The following SDCCAG8 variants were observed in gnomAD, a reference collection of about 807,000 sequenced individuals.
SDCCAG8 encodes SHH signaling and ciliogenesis regulator SDCCAG8.
SDCCAG8 carries 74 observed loss-of-function variants against 101.8 expected under a neutral mutation model. The observed-to-expected ratio is 0.73, with a 90% CI of 0.60 to 0.88. The LOEUF is 0.88. Among genes scored for constraint, SDCCAG8 ranks in the 40% least tolerant of loss-of-function variants. SDCCAG8 has a pLI of 0.00. For synonymous variants in SDCCAG8, 281 were observed against 292.9 expected, an observed-to-expected ratio of 0.96 and a Z score of 0.41; for missense variants, 787 against 822.6, an observed-to-expected ratio of 0.96 and a Z score of 0.53.
intron 6 of SDCCAG8, among the ~76,000 whole-genome samples, chr1:243,303,118 C>T (rs2071704506): frequency 6.6e-6 from 1 of 152,156 alleles, no homozygotes; most frequent in African/African-American, 2.4e-5. Flanking sequence ...ATAGACACCA[C>T]ACAAAGGACT....
At chr1:243,499,723 C>G (rs760595628) in intron 17 of SDCCAG8, 33 bp from the exon 18 acceptor site, 9 of 1,536,466 alleles carry the variant, frequency 5.9e-6, no homozygotes, top group Non-Finnish European at 7.2e-6. Flanking sequence ...AGAACATGAG[C>G]TATTGAAACT....
chr1:243,465,372 A>G (rs1659920893), intron 16 of SDCCAG8, among the ~76,000 whole-genome samples: 1 of 152,274 alleles, frequency 6.6e-6, no homozygotes, highest in Non-Finnish European at 1.5e-5. Context: ...ACCAGCGTGA[A>G]GAACACAGGA....
At chr1:243,279,611 T>G (rs1190090461) in intron 4 of SDCCAG8, among the ~76,000 whole-genome samples, 2 of 152,262 alleles carry the variant, frequency 1.3e-5, no homozygotes, top group East Asian at 3.8e-4. Context: ...GTGTTTATCA[T>G]AGATGGCTGC....
intron 16 of SDCCAG8, among the ~76,000 whole-genome samples, chr1:243,440,388 G>A (rs1259027369): frequency 6.6e-6 from 1 of 152,116 alleles, no homozygotes; most frequent in Admixed American, 6.6e-5. Context: ...TGCTAGACAG[G>A]ACCCTGCTTT....
intron 16 of SDCCAG8, among the ~76,000 whole-genome samples, chr1:243,426,941 G>A (rs2081381227): frequency 1.3e-5 from 2 of 152,166 alleles, no homozygotes; most frequent in African/African-American, 4.8e-5. Flanking sequence ...GTCTAAAGAG[G>A]TTAAACATCT....
intron 16 of SDCCAG8, among the ~76,000 whole-genome samples, chr1:243,430,015 G>A (rs916863749): frequency 6.6e-6 from 1 of 151,938 alleles, no homozygotes; most frequent in Non-Finnish European, 1.5e-5. Flanking sequence ...AAAACTTTTT[G>A]TGGGTACTAG....
intron 13 of SDCCAG8, among the ~76,000 whole-genome samples, chr1:243,393,010 TAAAA>T (rs1036373891): frequency 5.3e-5 from 8 of 151,960 alleles, no homozygotes; most frequent in Non-Finnish European, 1.5e-5. Context: ...AAATTAATAA[TAAAA>T]AAGGGAACAG....
chr1:243,397,507 C>G (rs999778808), intron 13 of SDCCAG8, among the ~76,000 whole-genome samples: 1 of 152,154 alleles, frequency 6.6e-6, no homozygotes, highest in African/African-American at 2.4e-5. Flanking sequence ...TCAAATTTAT[C>G]TTGTGATGCC....
chr1:243,455,551 G>A (rs760673105), intron 16 of SDCCAG8, among the ~76,000 whole-genome samples: 10 of 152,210 alleles, frequency 6.6e-5, no homozygotes, highest in Non-Finnish European at 1.0e-4. Flanking sequence ...TTACAGGCGA[G>A]AGCCACCGCA....
chr1:243,276,697 G>A (rs896174998), intron 4 of SDCCAG8, among the ~76,000 whole-genome samples: 6 of 152,060 alleles, frequency 3.9e-5, no homozygotes, highest in Admixed American at 3.3e-4. Context: ...TACATTCTAC[G>A]AATTTGACAA....
At chr1:243,358,760 A>G (rs767119802) in intron 12 of SDCCAG8, among the ~76,000 whole-genome samples, 1 of 152,364 alleles carries the variant, frequency 6.6e-6, no homozygotes, top group African/African-American at 2.4e-5. Flanking sequence ...ATATAGATAC[A>G]TATTACATGG....
chr1:243,348,716 G>C (rs1337208436), intron 12 of SDCCAG8, among the ~76,000 whole-genome samples: 1 of 151,638 alleles, frequency 6.6e-6, no homozygotes, highest in Non-Finnish European at 1.5e-5. Flanking sequence ...GCTCACGCCT[G>C]TAATCCCAGC....
chr1:243,266,334 T>TA (rs1007764191), intron 1 of SDCCAG8, among the ~76,000 whole-genome samples: 1 of 151,700 alleles, frequency 6.6e-6, no homozygotes, highest in Non-Finnish European at 1.5e-5. Flanking sequence ...TTTTTTTTTT[T>TA]ATGAGACAGT....
chr1:243,453,986 T>C (rs1485192593), intron 16 of SDCCAG8, among the ~76,000 whole-genome samples: 1 of 152,164 alleles, frequency 6.6e-6, no homozygotes, highest in Admixed American at 6.5e-5. Context: ...AGTAGTAAAA[T>C]CTAAGTACCA....
intron 13 of SDCCAG8, among the ~76,000 whole-genome samples, chr1:243,397,107 A>G (rs1394255222): frequency 6.6e-6 from 1 of 152,222 alleles, no homozygotes; most frequent in Non-Finnish European, 1.5e-5. Flanking sequence ...TGCTGACGGA[A>G]GGGGAACCAG....
At chr1:243,281,460 T>G (rs1356427392) in intron 4 of SDCCAG8, among the ~76,000 whole-genome samples, 1 of 151,764 alleles carries the variant, frequency 6.6e-6, no homozygotes, top group Admixed American at 6.6e-5. Flanking sequence ...GTAGACAACA[T>G]ATAGTTTATT....
At chr1:243,323,674 CT>C (rs2073935488) in intron 9 of SDCCAG8, among the ~76,000 whole-genome samples, 1 of 152,200 alleles carries the variant, frequency 6.6e-6, no homozygotes, top group Non-Finnish European at 1.5e-5. Context: ...TTTCCTTTCA[CT>C]TCTGAGTGCA....
intron 12 of SDCCAG8, among the ~76,000 whole-genome samples, chr1:243,366,427 A>T (rs552853530): frequency 1.3e-5 from 2 of 152,036 alleles, no homozygotes; most frequent in South Asian, 4.1e-4. Context: ...TTAATCTTAT[A>T]TTTCAATATA....
In SDCCAG8 at chr1:243,263,377, C is replaced by T. The variant is rs539806424; in HGVS notation, c.68-6728C>T. Among the ~76,000 whole-genome samples the T allele has an allele frequency of 4.6e-5, 7 of 152,326 alleles. No homozygotes were observed. The East Asian group carries it at 1.3e-3, about 29-fold the overall frequency. ...CAATAGTGCTGAGGTTGAGAAATCA[C>T]GATCTAGAAGTACAGGCTTTGCTTG... On this transcript the variant is annotated intron_variant, in intron 1 of 17. Coordinates refer to ENST00000366541, the MANE Select transcript of SDCCAG8 (RefSeq NM_006642.5).
Sources: gnomAD v4.1 joint callset for allele counts (sites outside exome capture counted in the v4.1 genomes callset) on GRCh38, gnomAD v4.1.1 for gene constraint, MANE v1.5 for transcripts, NCBI Gene and HGNC (gene_info 2026-07-23, HGNC 2026-07-21) for gene names.